Variants in ZNF385D observed in about 807,000 individuals in gnomAD.
ZNF385D encodes the protein zinc finger protein 659.
ZNF385D carries 15 observed loss-of-function variants against 35.8 expected under a neutral mutation model. That is an observed-to-expected ratio of 0.42 (90% confidence interval 0.28 to 0.64). The LOEUF (loss-of-function observed/expected upper bound fraction) is 0.64. Among genes scored for constraint, ZNF385D ranks in the 30% least tolerant of loss-of-function variants. ZNF385D has a pLI of 0.23. For synonymous variants in ZNF385D, 212 were observed against 186.8 expected, an observed-to-expected ratio of 1.13 and a Z score of -1.10; for missense variants, 474 against 494.6, an observed-to-expected ratio of 0.96 and a Z score of 0.39.
intron 2 of ZNF385D, among the ~76,000 whole-genome samples, chr3:22,215,031 C>A (rs1432925961): frequency 1.3e-5 from 2 of 151,958 alleles, no homozygotes; most frequent in Non-Finnish European, 2.9e-5. Flanking sequence ...CCCAGCTTTA[C>A]AATTTCTCTC....
intron 3 of ZNF385D, among the ~76,000 whole-genome samples, chr3:21,765,633 GCAA>G (rs1363917719): frequency 7.7e-6 from 1 of 130,096 alleles, no homozygotes; most frequent in Non-Finnish European, 1.7e-5. Context: ...AGATGGATAA[GCAA>G]CAACAACAAA....
At chr3:21,872,152 G>C (rs1190098259) in intron 3 of ZNF385D, among the ~76,000 whole-genome samples, 1 of 152,082 alleles carries the variant, frequency 6.6e-6, no homozygotes, top group African/African-American at 2.4e-5. Context: ...TATTAGAACA[G>C]ATCATTTATA....
intron 2 of ZNF385D, among the ~76,000 whole-genome samples, chr3:22,272,900 G>A (rs999420259): frequency 8.6e-5 from 13 of 151,790 alleles, no homozygotes; most frequent in Middle Eastern, 3.2e-3. Context: ...GGGTTACCTC[G>A]GGGGCCAACT....
chr3:22,067,543 C>A (rs184486953), intron 3 of ZNF385D, among the ~76,000 whole-genome samples: 1 of 152,256 alleles, frequency 6.6e-6, no homozygotes, highest in East Asian at 1.9e-4. Context: ...AAGTGTATAT[C>A]CCATTTCCTC....
intron 3 of ZNF385D, among the ~76,000 whole-genome samples, chr3:22,135,609 T>C (rs1405787583): frequency 6.6e-6 from 1 of 152,194 alleles, no homozygotes; most frequent in Non-Finnish European, 1.5e-5. Context: ...AAAATCTTTG[T>C]AGATTTAATA....
chr3:22,106,083 C>G (rs1182937769), intron 3 of ZNF385D, among the ~76,000 whole-genome samples: 1 of 152,090 alleles, frequency 6.6e-6, no homozygotes, highest in Non-Finnish European at 1.5e-5. Flanking sequence ...CTCTGAAACT[C>G]TGACTTCAGC....
intron 3 of ZNF385D, among the ~76,000 whole-genome samples, chr3:21,852,816 T>A (rs572252885): frequency 6.6e-6 from 1 of 151,860 alleles, no homozygotes; most frequent in African/African-American, 2.4e-5. Flanking sequence ...GATTAGGATA[T>A]TGAAAAAGAG....
At chr3:21,682,215 T>TTCAATAACGG (rs1553636604) in intron 1 of ZNF385D, among the ~76,000 whole-genome samples, 11 of 151,094 alleles carry the variant, frequency 7.3e-5, no homozygotes, top group South Asian at 2.1e-4. Flanking sequence ...GTTTTTAGTT[T>TTCAATAACGG]AGCTTTGTCC....
At chr3:22,271,595 A>T (rs1283710880) in intron 2 of ZNF385D, among the ~76,000 whole-genome samples, 1 of 151,562 alleles carries the variant, frequency 6.6e-6, no homozygotes, top group Non-Finnish European at 1.5e-5. Context: ...TCCCAGCCAC[A>T]CTCCATGTTC....
At chr3:22,164,288 G>C (rs1466981570) in intron 3 of ZNF385D, among the ~76,000 whole-genome samples, 1 of 137,732 alleles carries the variant, frequency 7.3e-6, no homozygotes. Context: ...TAGTACAATG[G>C]TGCTATCTCG....
At chr3:21,949,526 C>T (rs1281050792) in intron 3 of ZNF385D, among the ~76,000 whole-genome samples, 4 of 82,650 alleles carry the variant, frequency 4.8e-5, no homozygotes, top group Non-Finnish European at 1.1e-4. Context: ...CTCCATGCCC[C>T]TATTTTCTTT....
chr3:21,765,858 T>C (rs181205096), intron 3 of ZNF385D, among the ~76,000 whole-genome samples: 2 of 152,098 alleles, frequency 1.3e-5, no homozygotes, highest in Non-Finnish European at 2.9e-5. Context: ...TTTTTAATTA[T>C]CTCGTGTTTT....
chr3:21,919,854 T>A (rs1700367876), intron 3 of ZNF385D, among the ~76,000 whole-genome samples: 1 of 152,214 alleles, frequency 6.6e-6, no homozygotes, highest in Admixed American at 6.5e-5. Context: ...CTTTTCTGAA[T>A]AACTTTGAAT....
At chr3:22,092,525 C>G (rs2125604961) in intron 3 of ZNF385D, among the ~76,000 whole-genome samples, 1 of 152,232 alleles carries the variant, frequency 6.6e-6, no homozygotes, top group Admixed American at 6.5e-5. Flanking sequence ...CTCAGCAAAC[C>G]CTGCCATGCA....
At chr3:22,306,567 G>A (rs888128423) in intron 2 of ZNF385D, among the ~76,000 whole-genome samples, 1 of 152,078 alleles carries the variant, frequency 6.6e-6, no homozygotes. Context: ...TATGCAGTGG[G>A]AGAAGGAGGG....
At chr3:22,306,717 T>C (rs897071427) in intron 2 of ZNF385D, among the ~76,000 whole-genome samples, 7 of 151,952 alleles carry the variant, frequency 4.6e-5, no homozygotes, top group African/African-American at 1.7e-4. Context: ...TGTCAGAGAG[T>C]TGGAGAGATA....
At chr3:22,372,211 C>T (rs1575222700) in intron 2 of ZNF385D, among the ~76,000 whole-genome samples, 1 of 152,272 alleles carries the variant, frequency 6.6e-6, no homozygotes, top group East Asian at 2.0e-4. Context: ...TCTGGCCCCG[C>T]AACCTCACAT....
chr3:21,685,977 C>A (rs2067089821), intron 1 of ZNF385D, among the ~76,000 whole-genome samples: 1 of 152,090 alleles, frequency 6.6e-6, no homozygotes, highest in African/African-American at 2.4e-5. Flanking sequence ...ATGGTGAAAA[C>A]TGAGGGGCAG....
intron 3 of ZNF385D, among the ~76,000 whole-genome samples, chr3:22,136,600 TAAAC>T (rs895199140): frequency 3.2e-4 from 48 of 152,232 alleles, no homozygotes; most frequent in African/African-American, 1.1e-3. Flanking sequence ...GAAAAAGAGT[TAAAC>T]AGACATTTGA....
Sources: gnomAD v4.1 joint callset for allele counts (sites outside exome capture counted in the v4.1 genomes callset) on GRCh38, gnomAD v4.1.1 for gene constraint, MANE v1.5 for transcripts, NCBI Gene and HGNC (gene_info 2026-07-23, HGNC 2026-07-21) for gene names.